Variants in GRM8 observed in about 807,000 individuals in gnomAD.
GRM8 encodes glutamate metabotropic receptor 8.
GRM8 carries 47 observed loss-of-function variants against 87.2 expected under a neutral mutation model. The ratio of observed to expected loss-of-function variants is 0.54; its 90% confidence interval spans 0.43 to 0.69. GRM8 has a LOEUF of 0.69. Among genes scored for constraint, GRM8 ranks in the 30% least tolerant of loss-of-function variants. The pLI is 0.00. For missense variants in GRM8, 1,019 were observed against 1,139.2 expected, an observed-to-expected ratio of 0.89 and a Z score of 1.52; for synonymous variants, 396 against 404.5, an observed-to-expected ratio of 0.98 and a Z score of 0.25.
intron 2 of GRM8, among the ~76,000 whole-genome samples, chr7:127,134,140 C>T (rs2133236863): frequency 6.6e-6 from 1 of 152,282 alleles, no homozygotes; most frequent in Non-Finnish European, 1.5e-5. Context: ...CATAAAAGTA[C>T]TGACTAGGCA....
chr7:127,081,738 T>C (rs1456591801), intron 3 of GRM8, among the ~76,000 whole-genome samples: 5 of 152,292 alleles, frequency 3.3e-5, no homozygotes, highest in Admixed American at 2.0e-4. Context: ...GTCATCAGCA[T>C]AGAGACGACA....
intron 9 of GRM8, among the ~76,000 whole-genome samples, chr7:126,523,496 CA>C (rs770566487): frequency 6.6e-5 from 10 of 150,742 alleles, no homozygotes; most frequent in African/African-American, 1.7e-4. Context: ...ACAGACCTCT[CA>C]ATTTTTTTTT....
intron 8 of GRM8, among the ~76,000 whole-genome samples, chr7:126,534,657 TA>T (rs1815402844): frequency 6.6e-6 from 1 of 152,174 alleles, no homozygotes; most frequent in South Asian, 2.1e-4. Flanking sequence ...GCTTTCAGGT[TA>T]AATCATAGAA....
chr7:127,127,903 C>T (rs1587091850), intron 2 of GRM8, among the ~76,000 whole-genome samples: 2 of 152,108 alleles, frequency 1.3e-5, no homozygotes, highest in East Asian at 3.9e-4. Context: ...TGTTTTCTTA[C>T]TTCCATATCC....
rs772839393 is a variant in GRM8 at position 126,690,316 on chromosome 7, C to T, written c.1357+79549G>A. Among the ~76,000 whole-genome samples, 87 of 152,122 alleles carry T rather than the reference C, an allele frequency of 5.7e-4. 1 individual carries two copies. The highest frequency in any genetic ancestry group is 1.2e-4 in the African/African-American group (5 of 41,448). On this transcript the variant is annotated intron_variant, in intron 7 of 10. Coordinates refer to ENST00000339582, the MANE Select transcript of GRM8 (RefSeq NM_000845.3). Reference sequence around the variant, plus strand: ...GGTGAGGGGTATGTGAGCAAGCAAGCGTGGGATCCAGCAACTGTGCACAGC... The same window carrying T: ...GGTGAGGGGTATGTGAGCAAGCAAGTGTGGGATCCAGCAACTGTGCACAGC...
intron 7 of GRM8, among the ~76,000 whole-genome samples, chr7:126,630,890 A>G (rs962239633): frequency 1.3e-5 from 2 of 152,166 alleles, no homozygotes; most frequent in African/African-American, 4.8e-5. Flanking sequence ...CAAAATAATA[A>G]GAGCCATAGA....
At position 126,725,341 on chromosome 7, in the gene GRM8, C is replaced by T. The variant is rs143902140; in HGVS notation, c.1357+44524G>A. Among the ~76,000 whole-genome samples, 424 of 152,272 alleles carry T rather than the reference C, an allele frequency of 2.8e-3. 6 individuals are homozygous for T. The highest frequency in any genetic ancestry group is 9.7e-3 in the African/African-American group (403 of 41,572). On this transcript the variant is annotated intron_variant, in intron 7 of 10. Transcript: ENST00000339582. Reference sequence around the variant, plus strand: ...CCTTGTCAGGCCCCAGATTGTGATGCTCAAGACCTCACAAATAGAAGCAGG... The same window carrying T: ...CCTTGTCAGGCCCCAGATTGTGATGTTCAAGACCTCACAAATAGAAGCAGG...
chr7:127,239,624 A>G (rs1798172448), intron 2 of GRM8, among the ~76,000 whole-genome samples: 1 of 152,220 alleles, frequency 6.6e-6, no homozygotes, highest in Non-Finnish European at 1.5e-5. Context: ...ATTAACTGCT[A>G]ATCATTCCTC....
At chr7:126,900,338 G>C (rs1437672429) in intron 6 of GRM8, among the ~76,000 whole-genome samples, 2 of 152,092 alleles carry the variant, frequency 1.3e-5, no homozygotes, top group Admixed American at 6.5e-5. Context: ...CCCTGATAGA[G>C]GTTTAACATC....
chr7:126,653,762 A>T (rs539927777), intron 7 of GRM8, among the ~76,000 whole-genome samples: 1 of 152,232 alleles, frequency 6.6e-6, no homozygotes, highest in African/African-American at 2.4e-5. Flanking sequence ...AATGCACTTC[A>T]GTTCAATAGT....
At chr7:126,892,536 T>C (rs1325949460) in intron 6 of GRM8, among the ~76,000 whole-genome samples, 2 of 152,122 alleles carry the variant, frequency 1.3e-5, no homozygotes, top group Non-Finnish European at 2.9e-5. Context: ...CAGTCTATCA[T>C]TGTTGGACAT....
chr7:126,822,861 C>A (rs972936357), intron 6 of GRM8, among the ~76,000 whole-genome samples: 1 of 152,202 alleles, frequency 6.6e-6, no homozygotes, highest in Admixed American at 6.5e-5. Context: ...TATCCAGATG[C>A]AGACAATTCC....
chr7:126,636,358 T>C (rs1351955200), intron 7 of GRM8, among the ~76,000 whole-genome samples: 1 of 152,038 alleles, frequency 6.6e-6, no homozygotes, highest in Non-Finnish European at 1.5e-5. Context: ...GACACTCAAG[T>C]TCCCGATATA....
chr7:127,052,653 A>G (rs764479768), intron 3 of GRM8, among the ~76,000 whole-genome samples: 2 of 152,216 alleles, frequency 1.3e-5, no homozygotes, highest in East Asian at 1.9e-4. Flanking sequence ...TCAACATTAC[A>G]GCAATGTTCA....
chr7:126,686,380 C>T (rs1298891073), intron 7 of GRM8, among the ~76,000 whole-genome samples: 3 of 152,142 alleles, frequency 2.0e-5, no homozygotes, highest in African/African-American at 2.4e-5. Context: ...TTGCTTGCCA[C>T]GTTGTGGGTG....
chr7:126,588,079 C>T (rs1454783310), intron 8 of GRM8, among the ~76,000 whole-genome samples: 1 of 152,110 alleles, frequency 6.6e-6, no homozygotes, highest in East Asian at 1.9e-4. Context: ...TCATCTAGAA[C>T]TCATATCTGA....
At position 127,210,413 on chromosome 7, in the gene GRM8, A is replaced by C. The variant is rs146608906; in HGVS notation, c.510+32282T>G. 2.6e-5 allele frequency among the ~76,000 whole-genome samples: 4 copies of C among 152,332 alleles called. No individual in the cohort carries two copies. The East Asian group carries it at 5.8e-4, about 22-fold the overall frequency. ...AGGTTTTGGCTCAGTACAAAGAAGA[A>C]TGTTCCACGCCTGTGAAACACCAAA... On this transcript the variant is annotated intron_variant, in intron 2 of 10. Coordinates refer to ENST00000339582, the MANE Select transcript of GRM8 (RefSeq NM_000845.3).
chr7:127,238,831 G>A (rs1798131103), intron 2 of GRM8, among the ~76,000 whole-genome samples: 1 of 152,210 alleles, frequency 6.6e-6, no homozygotes, highest in Non-Finnish European at 1.5e-5. Flanking sequence ...TCCAGCAGAG[G>A]AGGTGGCTAT....
At chr7:127,079,599 G>A (rs958805870) in intron 3 of GRM8, among the ~76,000 whole-genome samples, 1 of 152,134 alleles carries the variant, frequency 6.6e-6, no homozygotes, top group Non-Finnish European at 1.5e-5. Context: ...CATGCCAGCC[G>A]ATTACCCTTT....
Sources: gnomAD v4.1 joint callset for allele counts (sites outside exome capture counted in the v4.1 genomes callset) on GRCh38, gnomAD v4.1.1 for gene constraint, MANE v1.5 for transcripts, NCBI Gene and HGNC (gene_info 2026-07-23, HGNC 2026-07-21) for gene names.